GRM5: variants seen among roughly 807,000 people sequenced by gnomAD.
GRM5 encodes metabotropic glutamate receptor 5.
GRM5 carries 19 observed loss-of-function variants against 83.1 expected under a neutral mutation model. The observed-to-expected ratio is 0.23, with a 90% CI of 0.16 to 0.34. The LOEUF (loss-of-function observed/expected upper bound fraction) is 0.34. Ranked by LOEUF, GRM5 falls within the 10% of genes least tolerant of loss-of-function variation. GRM5 has a pLI of 1.00. For synonymous variants in GRM5, 675 were observed against 633.6 expected (o/e 1.07, Z -0.98); for missense variants, 1,160 against 1,588.3 (o/e 0.73, Z 4.58).
intron 3 of GRM5, among the ~76,000 whole-genome samples, chr11:88,757,947 C>T (rs943839268): frequency 2.0e-5 from 3 of 152,244 alleles, no homozygotes; most frequent in Admixed American, 1.3e-4. Flanking sequence ...ACTCGCAAGT[C>T]CCCTAGAGTT....
At chr11:88,669,662 C>T (rs578114233) in intron 3 of GRM5, among the ~76,000 whole-genome samples, 2 of 151,722 alleles carry the variant, frequency 1.3e-5, no homozygotes, top group South Asian at 4.2e-4. Flanking sequence ...TCTATATATC[C>T]AAAACAAATA....
At chr11:88,527,253 A>G (rs1435569880) in intron 8 of GRM5, among the ~76,000 whole-genome samples, 1 of 152,202 alleles carries the variant, frequency 6.6e-6, no homozygotes, top group Non-Finnish European at 1.5e-5. Context: ...GATCCTTAAC[A>G]TATTTTTGAA....
intron 2 of GRM5, among the ~76,000 whole-genome samples, chr11:88,931,699 CTG>C (rs1322411000): frequency 2.6e-5 from 4 of 152,176 alleles, no homozygotes; most frequent in African/African-American, 9.6e-5. Context: ...ATATCATAAA[CTG>C]AGAATTATTT....
chr11:89,050,527 G>A (rs1941734973), intron 1 of GRM5, among the ~76,000 whole-genome samples: 1 of 152,136 alleles, frequency 6.6e-6, no homozygotes, highest in East Asian at 1.9e-4. Flanking sequence ...TTAGGTCTTT[G>A]AGGAATCACC....
chr11:88,636,187 C>T (rs1939113919), intron 4 of GRM5, among the ~76,000 whole-genome samples: 1 of 152,148 alleles, frequency 6.6e-6, no homozygotes, highest in Admixed American at 6.5e-5. Context: ...ACCTCCTTTC[C>T]TGACCACAGG....
Position 88,978,894 on chromosome 11 carries a change from G to T in GRM5, c.661+68318C>A, listed in dbSNP as rs778687475. On this transcript the variant is annotated intron_variant, in intron 2 of 9. Coordinates refer to ENST00000305447, the MANE Select transcript of GRM5 (RefSeq NM_001143831.3). The stretch of plus-strand genomic sequence containing the variant: ...GTGAGTGGAAGAGCCGAGATTGAAC[G>T]CAGGATTCCTAACTTCAATTTGTAT... Among the ~76,000 whole-genome samples, 3 of 152,124 alleles carry T rather than the reference G, an allele frequency of 2.0e-5. No homozygotes were observed. In the South Asian group the frequency reaches 6.2e-4, roughly 32 times the overall value.
At position 88,832,446 on chromosome 11, in the gene GRM5, C is replaced by A. The variant is rs116391644; in HGVS notation, c.911+17460G>T. ...CCTTTACAAAGAAAACTACAAAATT[C>A]TGATGAAAGAAATTTAAGAGAACTT... is the stretch of plus-strand genomic sequence containing the variant. On this transcript the variant is annotated intron_variant, in intron 3 of 9. Coordinates refer to ENST00000305447, the MANE Select transcript of GRM5 (RefSeq NM_001143831.3). Among the ~76,000 whole-genome samples the A allele has an allele frequency of 2.9e-3, 445 of 152,064 alleles. 4 individuals carry two copies. Among genetic ancestry groups the A allele is most frequent in the African/African-American group, 0.01 (426 of 41,516 alleles).
chr11:88,799,495 G>A (rs1468706579), intron 3 of GRM5, among the ~76,000 whole-genome samples: 1 of 152,024 alleles, frequency 6.6e-6, no homozygotes, highest in Non-Finnish European at 1.5e-5. Context: ...TGAAGCATAT[G>A]AACAAATTAT....
chr11:88,633,827 A>G (rs1939046732), intron 4 of GRM5, among the ~76,000 whole-genome samples: 1 of 152,196 alleles, frequency 6.6e-6, no homozygotes, highest in African/African-American at 2.4e-5. Flanking sequence ...AGCTAAAATT[A>G]ATTTTTAGTT....
chr11:88,917,813 G>A (rs1406714996), intron 2 of GRM5, among the ~76,000 whole-genome samples: 1 of 152,044 alleles, frequency 6.6e-6, no homozygotes, highest in Admixed American at 6.6e-5. Flanking sequence ...CAAAAAAAAT[G>A]AAGCATGCCT....
chr11:88,520,220 ATTC>A (rs1443646710), intron 9 of GRM5, among the ~76,000 whole-genome samples: 3 of 152,138 alleles, frequency 2.0e-5, no homozygotes, highest in Non-Finnish European at 2.9e-5. Flanking sequence ...AATGTTACTA[ATTC>A]TTCTTCTTCT....
chr11:88,754,655 TA>T (rs1399935490), intron 3 of GRM5, among the ~76,000 whole-genome samples: 2 of 152,110 alleles, frequency 1.3e-5, no homozygotes, highest in African/African-American at 4.8e-5. Context: ...AATTTACAGT[TA>T]TTGGGTATTA....
At position 88,508,694 on chromosome 11, in the gene GRM5, G is replaced by A; in HGVS notation, c.3537C>T (p.Thr1179=). The change falls in exon 10 of 10, where the codon ACC becomes ACT. Residue 1179 remains threonine (T), a synonymous_variant. Coordinates refer to ENST00000305447, the MANE Select transcript of GRM5 (RefSeq NM_001143831.3). This position sits in a 1 kb window ranked among gnomAD's most constrained non-coding sequence, Gnocchi z 4.2. The part of the protein sequence containing the change: ...FRDSVDSGST[T]PNSPVSESAL... ...CCGACTCGGACACTGGCGAGTTGGGGGTTGTGCTCCCCGAGTCCACCGAGT... is the reference window on the plus strand; with the variant it reads ...CCGACTCGGACACTGGCGAGTTGGGAGTTGTGCTCCCCGAGTCCACCGAGT... 6.2e-7 allele frequency: 1 copy of A among 1,605,396 alleles called. No individual in the cohort carries two copies. Among genetic ancestry groups the A allele is most frequent in the Non-Finnish European group, 8.5e-7 (1 of 1,176,160 alleles).
intron 3 of GRM5, among the ~76,000 whole-genome samples, chr11:88,677,358 G>A (rs896010628): frequency 6.6e-6 from 1 of 152,030 alleles, no homozygotes; most frequent in Non-Finnish European, 1.5e-5. Flanking sequence ...CTTTGCTTTA[G>A]TTATTAGTTT....
Position 88,653,408 on chromosome 11 carries a change from G to A in GRM5, c.912-5C>T, listed in dbSNP as rs763727886. 1.9e-6 allele frequency: 3 copies of A among 1,598,616 alleles called. No homozygotes were observed. The East Asian group carries it at 6.7e-5, about 36-fold the overall frequency. ...TACCTGTCAGCCCAGCCATCACTGT[G>A]GGGAAATAAAAAAACCCTCAGCTTA... On this transcript the variant is annotated splice_region_variant and splice_polypyrimidine_tract_variant and intron_variant, in intron 3 of 9. Coordinates refer to ENST00000305447, the MANE Select transcript of GRM5 (RefSeq NM_001143831.3).
At chr11:88,901,765 C>A (rs937116886) in intron 2 of GRM5, among the ~76,000 whole-genome samples, 8 of 152,108 alleles carry the variant, frequency 5.3e-5, no homozygotes, top group African/African-American at 1.7e-4. Flanking sequence ...CTTCCCATAG[C>A]CTCTGATATT....
chr11:88,858,611 A>G (rs933048872), intron 2 of GRM5, among the ~76,000 whole-genome samples: 3 of 152,064 alleles, frequency 2.0e-5, no homozygotes, highest in African/African-American at 7.2e-5. Context: ...ATACATGTTG[A>G]GGACAACAAG....
At chr11:88,621,903 T>G (rs1314282365) in intron 4 of GRM5, among the ~76,000 whole-genome samples, 1 of 152,060 alleles carries the variant, frequency 6.6e-6, no homozygotes, top group Non-Finnish European at 1.5e-5. Flanking sequence ...ATTGCACACA[T>G]GAGAGATTAA....
At chr11:88,683,631 T>C (rs1940549710) in intron 3 of GRM5, among the ~76,000 whole-genome samples, 1 of 152,190 alleles carries the variant, frequency 6.6e-6, no homozygotes, top group Admixed American at 6.5e-5. Flanking sequence ...TAAATTAATT[T>C]ATAGTTGGTA....
Sources: allele counts gnomAD v4.1 joint callset (sites outside exome capture counted in the v4.1 genomes callset), GRCh38; gene constraint gnomAD v4.1.1; non-coding constraint Gnocchi (gnomAD v3.1); transcripts MANE v1.5; gene names NCBI Gene and HGNC (gene_info 2026-07-23, HGNC 2026-07-21).